The following DICER1 variants were observed in gnomAD, a reference collection of about 807,000 sequenced individuals.
DICER1 encodes the protein endoribonuclease Dicer.
DICER1 carries 43 observed loss-of-function variants against 194.1 expected under a neutral mutation model. That is an observed-to-expected ratio of 0.22 (90% CI 0.17 to 0.29). The LOEUF (loss-of-function observed/expected upper bound fraction) is 0.29, where lower values mean the gene tolerates loss of function less well. Among genes scored for constraint, DICER1 ranks in the 10% least tolerant of loss-of-function variants. The probability of loss-of-function intolerance (pLI) is 1.00; values close to 1 mark genes in which losing one functional copy is unlikely to be tolerated. For missense variants in DICER1, 1,608 were observed against 2,317.0 expected (o/e 0.69, Z 6.28); for synonymous variants, 832 against 820.5 (o/e 1.01, Z -0.24).
At chr14:95,099,755 C>G in intron 22 of DICER1, 25 bp downstream of exon 22, 9 of 1,595,638 alleles carry the variant, frequency 5.6e-6, no homozygotes, top group Non-Finnish European at 7.7e-6. Flanking sequence ...CACACACACA[C>G]ACACACACAC....
chr14:95,092,750 A>G (rs1207143111), intron 24 of DICER1, among the ~76,000 whole-genome samples: 1 of 152,252 alleles, frequency 6.6e-6, no homozygotes, highest in East Asian at 1.9e-4. Context: ...AAAACTAACA[A>G]AACCAATATG....
intron 1 of DICER1, among the ~76,000 whole-genome samples, chr14:95,136,383 C>CT (rs550414197): frequency 1.4e-4 from 22 of 151,812 alleles, no homozygotes; most frequent in African/African-American, 4.6e-4. Flanking sequence ...TTCTTTTTTT[C>CT]TTTTTTTTCA....
chr14:95,115,459 A>G (rs1892349120), intron 11 of DICER1, among the ~76,000 whole-genome samples: 1 of 152,216 alleles, frequency 6.6e-6, no homozygotes, highest in South Asian at 2.1e-4. Flanking sequence ...CTTGCCAAGG[A>G]ATACTGAACT....
intron 1 of DICER1, among the ~76,000 whole-genome samples, chr14:95,143,732 A>C (rs1026209945): frequency 5.9e-5 from 9 of 152,178 alleles, no homozygotes; most frequent in African/African-American, 2.2e-4. Flanking sequence ...ATGTTCATTC[A>C]ATAATAACAT....
In DICER1 at chr14:95,106,589, T is replaced by C. The variant is rs146354136; in HGVS notation, c.2805-366A>G. Among the ~76,000 whole-genome samples the C allele has an allele frequency of 1.1e-3, 175 of 152,202 alleles. 3 individuals carry two copies. In the South Asian group the frequency reaches 0.027, roughly 23 times the overall value. On this transcript the variant is annotated intron_variant, in intron 17 of 26. Coordinates refer to ENST00000343455, the MANE Select transcript of DICER1 (RefSeq NM_177438.3). The stretch of plus-strand genomic sequence containing the variant: ...TACTAATGCTAAACATTAAAGACAC[T>C]TGTCATATAAAACGTATTACTGCAT...
Position 95,124,543 on chromosome 14 carries a change from T to A in DICER1, c.1029A>T (p.Lys343Asn). 1 of 1,613,984 alleles carries A rather than the reference T, an allele frequency of 6.2e-7. No individual in the cohort carries two copies. The highest frequency in any genetic ancestry group is 8.5e-7 in the Non-Finnish European group (1 of 1,180,026). The change falls in exon 8 of 27, where the codon AAA (lysine) becomes AAT (asparagine). Residue 343 changes from lysine (K) to asparagine (N), a missense_variant. Coordinates refer to ENST00000343455, the MANE Select transcript of DICER1 (RefSeq NM_177438.3). The surrounding 1 kb of genome is among the most constrained non-coding windows in gnomAD (Gnocchi z 4.5). ...GGAAAGTGTCTGTAAACAATAAAAATTTCCTGTGCAGCTCCTCTTGCTCAT... is the reference window on the plus strand; with the variant it reads ...GGAAAGTGTCTGTAAACAATAAAAAATTCCTGTGCAGCTCCTCTTGCTCAT... The part of the protein sequence containing the change: ...IKHEQEELHR[K>N]FLLFTDTFLR...
At chr14:95,090,699 G>T in intron 26 of DICER1, 36 bp from the exon 27 acceptor site, 1 of 1,611,672 alleles carries the variant, frequency 6.2e-7, no homozygotes, top group Non-Finnish European at 8.5e-7. Flanking sequence ...TTAGAAGTCA[G>T]AAGTATTTAT....
rs1566774083 is a variant in DICER1 at position 95,106,411 on chromosome 14, G to A, written c.2805-188C>T. Among the ~76,000 whole-genome samples the A allele has an allele frequency of 2.0e-5, 3 of 151,832 alleles. No homozygotes were observed. The East Asian group carries it at 5.8e-4, about 29-fold the overall frequency. On this transcript the variant is annotated intron_variant, in intron 17 of 26. Coordinates refer to ENST00000343455, the MANE Select transcript of DICER1 (RefSeq NM_177438.3). ...AACTGTATTTTTATCAAGTAAAAAT[G>A]GACACATTATTGTCCCATTTTATTA...
chr14:95,100,670 T>C (rs1890796216), intron 21 of DICER1, among the ~76,000 whole-genome samples: 1 of 152,224 alleles, frequency 6.6e-6, no homozygotes, highest in Admixed American at 6.5e-5. Flanking sequence ...AGTTAGTACT[T>C]GGAAACTAGG....
chr14:95,090,723 C>A, intron 26 of DICER1, 60 bp from the exon 27 acceptor site: 1 of 1,594,658 alleles, frequency 6.3e-7, no homozygotes, highest in Non-Finnish European at 8.6e-7. Flanking sequence ...CATTGTCAAT[C>A]AGCATTTAGT....
In DICER1 at chr14:95,129,552, T is replaced by C. The variant is rs1595457010; in HGVS notation, c.654A>G (p.Glu218=). The change falls in exon 6 of 27, where the codon GAA becomes GAG. Residue 218 remains glutamate (E), a synonymous_variant. Coordinates refer to ENST00000343455, the MANE Select transcript of DICER1 (RefSeq NM_177438.3). ...SILNGKCDPE[E]LEEKIQKLEK... ...CTAGTTTCTGAATCTTTTCTTCCAA[T>C]TCCTCTGGATCACATTTCCCATTTA... is the stretch of plus-strand genomic sequence containing the variant. The C allele has an allele frequency of 6.2e-7, 1 of 1,613,886 alleles. No homozygotes were observed.
At chr14:95,114,676 G>C (rs1227679013) in intron 11 of DICER1, among the ~76,000 whole-genome samples, 3 of 152,070 alleles carry the variant, frequency 2.0e-5, no homozygotes, top group East Asian at 1.9e-4. Context: ...GGGTGAAAGG[G>C]AACTTTACAG....
At chr14:95,126,319 C>T (rs1224806079) in intron 7 of DICER1, among the ~76,000 whole-genome samples, 1 of 152,204 alleles carries the variant, frequency 6.6e-6, no homozygotes, top group African/African-American at 2.4e-5. Flanking sequence ...AAATTGGACT[C>T]ACTCCTTATA....
chr14:95,100,516 T>C (rs906123220), intron 21 of DICER1, among the ~76,000 whole-genome samples: 1 of 152,204 alleles, frequency 6.6e-6, no homozygotes, highest in African/African-American at 2.4e-5. Context: ...AAGACACTTT[T>C]ATTCAACTTA....
intron 1 of DICER1, among the ~76,000 whole-genome samples, chr14:95,155,889 T>G (rs1194884947): frequency 6.6e-6 from 1 of 152,236 alleles, no homozygotes; most frequent in African/African-American, 2.4e-5. Context: ...TGTATGTGCA[T>G]GTACACAGCA....
At chr14:95,150,223 C>A (rs1895425330) in intron 1 of DICER1, among the ~76,000 whole-genome samples, 1 of 152,206 alleles carries the variant, frequency 6.6e-6, no homozygotes, top group Admixed American at 6.5e-5. Context: ...GTGGCTCATG[C>A]CTGCAATCCC....
At chr14:95,143,573 AT>A (rs1279552240) in intron 1 of DICER1, among the ~76,000 whole-genome samples, 1 of 152,188 alleles carries the variant, frequency 6.6e-6, no homozygotes, top group Non-Finnish European at 1.5e-5. Context: ...ACCTCTAGTC[AT>A]AAAAATGTGA....
chr14:95,093,851 G>C (rs759451663), intron 24 of DICER1, 37 bp downstream of exon 24: 1 of 1,611,446 alleles, frequency 6.2e-7, no homozygotes, highest in Non-Finnish European at 8.5e-7. Flanking sequence ...CTCCTAGTTA[G>C]ACCACTTTTT....
chr14:95,154,706 A>G (rs1595518382), intron 1 of DICER1, among the ~76,000 whole-genome samples: 1 of 152,190 alleles, frequency 6.6e-6, no homozygotes, highest in African/African-American at 2.4e-5. Context: ...GGTAGGATGG[A>G]ATCAGGAGTT....
Sources: allele counts gnomAD v4.1 joint callset (sites outside exome capture counted in the v4.1 genomes callset), GRCh38; gene constraint gnomAD v4.1.1; non-coding constraint Gnocchi (gnomAD v3.1); transcripts MANE v1.5; gene names NCBI Gene and HGNC (gene_info 2026-07-23, HGNC 2026-07-21).